Variants in SIPA1L1 observed in about 807,000 individuals in gnomAD.
The protein encoded by SIPA1L1 is signal induced proliferation associated 1 like 1.
A neutral mutation model predicts 162.7 loss-of-function variants in SIPA1L1; 26 were observed. The observed-to-expected ratio is 0.16, with a 90% CI of 0.12 to 0.22. SIPA1L1 has a LOEUF of 0.22. SIPA1L1 is among the 10% of genes least tolerant of loss of function. SIPA1L1 has a pLI of 1.00. For missense variants in SIPA1L1, 1,874 were observed against 2,241.0 expected, an observed-to-expected ratio of 0.84 and a Z score of 3.31; for synonymous variants, 829 against 837.4, an observed-to-expected ratio of 0.99 and a Z score of 0.17.
chr14:71,479,336 G>GGTATGTATGTATGTATGTAT (rs59082026), intron 2 of SIPA1L1, among the ~76,000 whole-genome samples: 1,922 of 148,314 alleles, frequency 0.013, 26 homozygotes, highest in Non-Finnish European at 0.016. Context: ...TGTGTATGTA[G>GGTATGTATGTATGTATGTAT]GTATGTATGT....
At chr14:71,426,820 C>G (rs2043602971) in intron 2 of SIPA1L1, among the ~76,000 whole-genome samples, 1 of 152,114 alleles carries the variant, frequency 6.6e-6, no homozygotes, top group African/African-American at 2.4e-5. Flanking sequence ...ACTACATAAA[C>G]TCTCTTCCTC....
chr14:71,485,491 C>A (rs530351221), intron 2 of SIPA1L1, among the ~76,000 whole-genome samples: 1 of 151,992 alleles, frequency 6.6e-6, no homozygotes, highest in Admixed American at 6.6e-5. Context: ...GTGAACTGTG[C>A]ATGTGAGGGA....
At chr14:71,690,150 C>G (rs1161619394) in intron 13 of SIPA1L1, among the ~76,000 whole-genome samples, 1 of 152,148 alleles carries the variant, frequency 6.6e-6, no homozygotes, top group African/African-American at 2.4e-5. Context: ...CAGCTTCGTG[C>G]CTTGCCATGA....
chr14:71,650,958 C>A (rs995034466), intron 8 of SIPA1L1, among the ~76,000 whole-genome samples: 1 of 151,946 alleles, frequency 6.6e-6, no homozygotes, highest in African/African-American at 2.4e-5. Flanking sequence ...CTTTTTACAT[C>A]TAGGGTTTTT....
At chr14:71,689,829 G>A (rs770088552) in intron 13 of SIPA1L1, among the ~76,000 whole-genome samples, 9 of 152,234 alleles carry the variant, frequency 5.9e-5, no homozygotes, top group East Asian at 5.8e-4. Flanking sequence ...TGGCAGCTGC[G>A]TCTGCAGCCT....
At chr14:71,622,677 A>T (rs1445179315) in intron 6 of SIPA1L1, among the ~76,000 whole-genome samples, 6 of 152,258 alleles carry the variant, frequency 3.9e-5, no homozygotes, top group Non-Finnish European at 5.9e-5. Flanking sequence ...TTTGAAAAGA[A>T]ATTGTTTATA....
chr14:71,485,288 C>T (rs1057342837), intron 2 of SIPA1L1, among the ~76,000 whole-genome samples: 1 of 152,194 alleles, frequency 6.6e-6, no homozygotes, highest in Non-Finnish European at 1.5e-5. Flanking sequence ...GGGTCTCCAA[C>T]CCCCGGACCA....
chr14:71,587,547 T>C (rs1008150417), intron 4 of SIPA1L1, 24 bp from the exon 5 acceptor site: 14 of 409,428 alleles, frequency 3.4e-5, no homozygotes, highest in Non-Finnish European at 5.6e-5. Flanking sequence ...ATCTGCTAAT[T>C]CAAATTATCC....
In SIPA1L1 at chr14:71,465,428, A is replaced by G. The variant is rs532444249; in HGVS notation, c.-464-47315A>G. On this transcript the variant is annotated intron_variant, in intron 2 of 23. Coordinates refer to ENST00000381232, the MANE Select transcript of SIPA1L1 (RefSeq NM_001386936.1). ...CACTTTGTCCACTGAACTTAGGAGC[A>G]ACCAACCAGCTTCATTATGTTCCTT... 5.2e-4 allele frequency among the ~76,000 whole-genome samples: 79 copies of G among 152,328 alleles called. 1 individual carries two copies. In the South Asian group the frequency reaches 0.012, roughly 24 times the overall value.
chr14:71,661,889 G>T (rs1000103334), intron 10 of SIPA1L1, among the ~76,000 whole-genome samples: 4 of 152,162 alleles, frequency 2.6e-5, no homozygotes, highest in African/African-American at 9.7e-5. Context: ...CTTGATTCAC[G>T]TTAGCACTCT....
chr14:71,721,525 C>A (rs2083731882), intron 17 of SIPA1L1, among the ~76,000 whole-genome samples: 1 of 152,200 alleles, frequency 6.6e-6, no homozygotes, highest in Non-Finnish European at 1.5e-5. Flanking sequence ...CGCTTCAGGG[C>A]AGCAGACTCT....
At chr14:71,543,844 A>ATG (rs1555453929) in intron 4 of SIPA1L1, among the ~76,000 whole-genome samples, 29 of 144,628 alleles carry the variant, frequency 2.0e-4, no homozygotes, top group Middle Eastern at 3.6e-3. Flanking sequence ...TATCATATGT[A>ATG]TGTGTATATA....
At chr14:71,473,441 C>G (rs187704859) in intron 2 of SIPA1L1, among the ~76,000 whole-genome samples, 1 of 152,104 alleles carries the variant, frequency 6.6e-6, no homozygotes, top group Admixed American at 6.5e-5. Flanking sequence ...AAGGTTTGTT[C>G]CCCCATCCCT....
intron 2 of SIPA1L1, among the ~76,000 whole-genome samples, chr14:71,355,078 C>T (rs2037112507): frequency 6.6e-6 from 1 of 152,168 alleles, no homozygotes; most frequent in African/African-American, 2.4e-5. Flanking sequence ...CCTTCAGAAA[C>T]GTGTAAGCGA....
intron 2 of SIPA1L1, among the ~76,000 whole-genome samples, chr14:71,494,919 A>G (rs189641056): frequency 1.4e-3 from 212 of 152,088 alleles, no homozygotes; most frequent in Non-Finnish European, 2.5e-3. Flanking sequence ...GATTACAGGC[A>G]TGAGCCACTG....
intron 2 of SIPA1L1, among the ~76,000 whole-genome samples, chr14:71,489,458 C>T (rs1287578550): frequency 1.3e-5 from 2 of 152,040 alleles, no homozygotes; most frequent in South Asian, 2.1e-4. Flanking sequence ...TGGATATTTT[C>T]CAGTTTGACT....
intron 4 of SIPA1L1, among the ~76,000 whole-genome samples, chr14:71,554,697 C>T (rs1224897395): frequency 6.6e-6 from 1 of 152,134 alleles, no homozygotes; most frequent in African/African-American, 2.4e-5. Context: ...TTGGGAATTT[C>T]ATTCTTGTTC....
rs114839801 is a variant in SIPA1L1, at chr14:71,450,893, C to G, written c.-464-61850C>G. On this transcript the variant is annotated intron_variant, in intron 2 of 23. Transcript: ENST00000381232. ...GAACTATCATGTGATCCAGCAGTTC[C>G]GCTGCTGGGTATATATCCAAAGGAA... Among the ~76,000 whole-genome samples, 959 of 152,202 alleles carry G rather than the reference C, an allele frequency of 6.3e-3. 5 individuals are homozygous for G. The highest frequency in any genetic ancestry group is 0.022 in the African/African-American group (902 of 41,500).
chr14:71,516,749 G>T (rs1416470700), intron 3 of SIPA1L1, among the ~76,000 whole-genome samples: 1 of 152,010 alleles, frequency 6.6e-6, no homozygotes, highest in Non-Finnish European at 1.5e-5. Flanking sequence ...GAGGCAGGCG[G>T]ATTGCTTGAG....
Sources: gnomAD v4.1 joint callset for allele counts (sites outside exome capture counted in the v4.1 genomes callset) on GRCh38, gnomAD v4.1.1 for gene constraint, MANE v1.5 for transcripts, NCBI Gene and HGNC (gene_info 2026-07-23, HGNC 2026-07-21) for gene names.